TRAF3: variants seen among roughly 807,000 people sequenced by gnomAD.
TRAF3 encodes TNF receptor-associated factor 3.
TRAF3 carries 13 observed loss-of-function variants against 62.3 expected under a neutral mutation model. The ratio of observed to expected loss-of-function variants is 0.21; its 90% CI spans 0.14 to 0.33. The LOEUF is 0.33. TRAF3 is among the 10% of genes least tolerant of loss of function. The pLI, the probability that TRAF3 is intolerant of heterozygous loss-of-function variation, is 1.00. For missense variants in TRAF3, 440 were observed against 741.8 expected (o/e 0.59, Z 4.73); for synonymous variants, 269 against 283.4 (o/e 0.95, Z 0.51).
rs1566810260 is a variant in TRAF3, at chr14:102,903,193, G to A, written c.961-62G>A. The A allele has an allele frequency of 6.2e-7, 1 of 1,608,578 alleles. No homozygotes were observed. Among genetic ancestry groups the A allele is most frequent in the Admixed American group, 1.7e-5 (1 of 59,986 alleles). ...CCTAGCCTGTCTGTATTTGATGGAA[G>A]GTGGTGCAGCATTTTCCGAGTCCTA... On this transcript the variant is annotated intron_variant, in intron 10 of 11. Coordinates refer to ENST00000392745, the MANE Select transcript of TRAF3 (RefSeq NM_145725.3). The surrounding 1 kb of genome is among the most constrained non-coding windows in gnomAD (Gnocchi z 6.4).
intron 1 of TRAF3, 85 bp downstream of exon 1, chr14:102,777,760 G>A (rs1897075597): frequency 6.9e-6 from 1 of 145,032 alleles, no homozygotes; most frequent in Non-Finnish European, 1.5e-5. Context: ...GCCCTGGGCG[G>A]CGGGGCCCGG....
chr14:102,861,404 A>C (rs1887670088), intron 2 of TRAF3, among the ~76,000 whole-genome samples: 1 of 152,188 alleles, frequency 6.6e-6, no homozygotes, highest in African/African-American at 2.4e-5. Flanking sequence ...TAAGTTGGGC[A>C]TCAAACCCAA....
intron 2 of TRAF3, among the ~76,000 whole-genome samples, chr14:102,865,463 C>T (rs1595374187): frequency 3.3e-5 from 5 of 150,584 alleles, no homozygotes; most frequent in Admixed American, 3.3e-4. Context: ...TGGATTGTCC[C>T]TTTTTCATCA....
chr14:102,789,814 CT>C (rs549286028), intron 1 of TRAF3, among the ~76,000 whole-genome samples: 51 of 147,412 alleles, frequency 3.5e-4, no homozygotes, highest in South Asian at 2.8e-3. Flanking sequence ...GAATGTTAAA[CT>C]TTTTTTTTTT....
intron 1 of TRAF3, among the ~76,000 whole-genome samples, chr14:102,811,550 GTTTTTTTTTTT>G (rs35064640): frequency 2.6e-4 from 21 of 79,490 alleles, no homozygotes; most frequent in South Asian, 6.2e-4. Context: ...GCTGTAGGCG[GTTTTTTTTTTT>G]TTTTTTTTTT....
chr14:102,897,152 C>CTT, intron 9 of TRAF3, 109 bp from the exon 10 acceptor site: 2 of 1,028,794 alleles, frequency 1.9e-6, no homozygotes, highest in Non-Finnish European at 1.4e-6. Context: ...TTCTGAAACT[C>CTT]TGTCAATAAG....
chr14:102,910,729 G>A lies in TRAF3; in HGVS notation c.*4945G>A, dbSNP rs143573604. ...AGGCCCCGGTGGCCAAGCAGAGCCT[G>A]CGTTTCATTTCTCCTGCTGCACTGT... On this transcript the variant is annotated 3_prime_UTR_variant, in exon 12 of 12. Transcript: ENST00000392745. 6.6e-6 allele frequency: 1 copy of A among 152,410 alleles called. No homozygotes were observed. Among genetic ancestry groups the A allele is most frequent in the African/African-American group, 2.4e-5 (1 of 41,580 alleles). The allele number at this position is 152,410 out of a possible 1,614,324, so 9.4% of individuals were successfully genotyped here.
chr14:102,819,112 C>T (rs1899736524), intron 1 of TRAF3, among the ~76,000 whole-genome samples: 1 of 151,982 alleles, frequency 6.6e-6, no homozygotes, highest in South Asian at 2.1e-4. Context: ...CCAACTCTTC[C>T]ATCACCCCAG....
At chr14:102,882,056 T>G (rs1286828324) in intron 6 of TRAF3, among the ~76,000 whole-genome samples, 2 of 152,208 alleles carry the variant, frequency 1.3e-5, no homozygotes, top group Non-Finnish European at 2.9e-5. Context: ...ACAGTTTAAT[T>G]CATGTTAGTA....
intron 4 of TRAF3, among the ~76,000 whole-genome samples, chr14:102,873,130 C>G (rs954514659): frequency 1.1e-4 from 16 of 152,194 alleles, no homozygotes; most frequent in Non-Finnish European, 1.5e-5. Flanking sequence ...GTCTAAAGCA[C>G]CTTGCAGATT....
chr14:102,880,906 C>T (rs1400585072), intron 6 of TRAF3, among the ~76,000 whole-genome samples: 2 of 152,112 alleles, frequency 1.3e-5, no homozygotes, highest in Non-Finnish European at 2.9e-5. Context: ...GGAGAAACCC[C>T]ATCTCTATTA....
At chr14:102,777,973 A>G (rs1897096690) in intron 1 of TRAF3, among the ~76,000 whole-genome samples, 1 of 149,918 alleles carries the variant, frequency 6.7e-6, no homozygotes, top group Admixed American at 6.6e-5. Context: ...TTTTCAGGAA[A>G]CGGGGCGCGC....
chr14:102,813,833 A>G (rs1899351007), intron 1 of TRAF3, among the ~76,000 whole-genome samples: 1 of 152,092 alleles, frequency 6.6e-6, no homozygotes, highest in Non-Finnish European at 1.5e-5. Flanking sequence ...TGTTGGATGA[A>G]TAGTTCGCAA....
At chr14:102,828,275 G>T (rs1566760147) in intron 1 of TRAF3, among the ~76,000 whole-genome samples, 1 of 152,232 alleles carries the variant, frequency 6.6e-6, no homozygotes, top group African/African-American at 2.4e-5. Flanking sequence ...CAGAAAGACT[G>T]CAATGCAGCG....
intron 1 of TRAF3, among the ~76,000 whole-genome samples, chr14:102,811,883 G>T (rs1205026813): frequency 1.4e-5 from 2 of 138,630 alleles, no homozygotes; most frequent in African/African-American, 5.2e-5. Flanking sequence ...GAGTAGCTAG[G>T]ACTGTAGGCT....
chr14:102,849,159 GCTT>G (rs1234582613), intron 2 of TRAF3, among the ~76,000 whole-genome samples: 1 of 152,170 alleles, frequency 6.6e-6, no homozygotes, highest in Admixed American at 6.5e-5. Flanking sequence ...ATTATAATCT[GCTT>G]CTCAATATGG....
chr14:102,839,013 T>C (rs1886200262), intron 2 of TRAF3, among the ~76,000 whole-genome samples: 1 of 152,144 alleles, frequency 6.6e-6, no homozygotes, highest in Non-Finnish European at 1.5e-5. Flanking sequence ...AAATGAACGC[T>C]GTAGAGAATC....
At chr14:102,886,040 A>G (rs1889362697) in intron 6 of TRAF3, 149 bp from the exon 7 acceptor site, 1 of 678,436 alleles carries the variant, frequency 1.5e-6, no homozygotes, top group Non-Finnish European at 2.7e-6. Flanking sequence ...CGTGACAATA[A>G]TGACTCAGCC....
At chr14:102,810,106 T>C (rs1056769082) in intron 1 of TRAF3, among the ~76,000 whole-genome samples, 14 of 152,178 alleles carry the variant, frequency 9.2e-5, no homozygotes, top group African/African-American at 3.4e-4. Flanking sequence ...TGTCTGGCTC[T>C]TTATGGGAAA....
Sources: gnomAD v4.1 joint callset for allele counts (sites outside exome capture counted in the v4.1 genomes callset) on GRCh38, gnomAD v4.1.1 for gene constraint, Gnocchi (gnomAD v3.1) non-coding constraint, MANE v1.5 for transcripts, NCBI Gene and HGNC (gene_info 2026-07-23, HGNC 2026-07-21) for gene names.